TMEM116: variants seen among roughly 807,000 people sequenced by gnomAD.
The protein encoded by TMEM116 is transmembrane protein 116.
In TMEM116, 38 loss-of-function variants were observed where a neutral mutation model predicts 44.3. The ratio of observed to expected loss-of-function variants is 0.86; its 90% confidence interval spans 0.66 to 1.12. The LOEUF is 1.12. TMEM116 is among the 50% of genes most tolerant of loss of function. The pLI, the probability that TMEM116 is intolerant of heterozygous loss-of-function variation, is 0.00. For missense variants in TMEM116, 354 were observed against 401.7 expected (o/e 0.88, Z 1.01); for synonymous variants, 132 against 144.8 (o/e 0.91, Z 0.64).
chr12:111,993,386 G>A (rs1475811926), intron 3 of TMEM116: 1 of 544,362 alleles, frequency 1.8e-6, no homozygotes, highest in African/African-American at 1.9e-5. Context: ...ACTCCATGCA[G>A]GTGTTCTGCA....
At chr12:111,977,876 G>A (rs1434420684) in intron 4 of TMEM116, among the ~76,000 whole-genome samples, 2 of 151,758 alleles carry the variant, frequency 1.3e-5, no homozygotes, top group Admixed American at 1.3e-4. Context: ...AAACTCTTGG[G>A]GAGTAACTAA....
At chr12:112,003,969 A>G in intron 2 of TMEM116, 106 bp from the exon 3 acceptor site, 1 of 1,377,030 alleles carries the variant, frequency 7.3e-7, no homozygotes, top group Non-Finnish European at 9.3e-7. Context: ...CATAATTGAT[A>G]TAAAATAAAC....
At chr12:111,977,926 A>G (rs1031989585) in intron 4 of TMEM116, among the ~76,000 whole-genome samples, 13 of 152,040 alleles carry the variant, frequency 8.6e-5, no homozygotes, top group African/African-American at 3.1e-4. Context: ...ATATGCTAAG[A>G]AAAGAGAGAA....
At chr12:111,985,064 A>G (rs1156845666) in intron 4 of TMEM116, among the ~76,000 whole-genome samples, 1 of 152,204 alleles carries the variant, frequency 6.6e-6, no homozygotes, top group East Asian at 1.9e-4. Flanking sequence ...AGACAAAGTC[A>G]TCATACTCAA....
intron 4 of TMEM116, among the ~76,000 whole-genome samples, chr12:111,957,086 C>T (rs1261416083): frequency 6.6e-6 from 1 of 151,658 alleles, no homozygotes; most frequent in African/African-American, 2.4e-5. Context: ...TGCCTGGCCA[C>T]CCATCGTCTG....
intron 1 of TMEM116, among the ~76,000 whole-genome samples, chr12:112,008,399 G>A (rs985066469): frequency 1.3e-5 from 2 of 151,556 alleles, no homozygotes; most frequent in African/African-American, 4.9e-5. Flanking sequence ...AGAATTGCTT[G>A]AACCCGGGAG....
At chr12:111,968,034 A>C (rs564569889) in intron 4 of TMEM116, among the ~76,000 whole-genome samples, 1 of 152,160 alleles carries the variant, frequency 6.6e-6, no homozygotes, top group South Asian at 2.1e-4. Flanking sequence ...AGACCAAGGT[A>C]GCTAGAATTC....
At chr12:111,976,749 T>C (rs1358146111) in intron 4 of TMEM116, among the ~76,000 whole-genome samples, 1 of 152,086 alleles carries the variant, frequency 6.6e-6, no homozygotes, top group East Asian at 1.9e-4. Flanking sequence ...TAAGAACAGA[T>C]AGTTAATGTA....
intron 4 of TMEM116, among the ~76,000 whole-genome samples, chr12:111,961,772 C>T (rs2074606743): frequency 6.6e-6 from 1 of 152,182 alleles, no homozygotes; most frequent in South Asian, 2.1e-4. Context: ...GACAAGGATG[C>T]CCTCTCTCAC....
chr12:111,986,790 C>G (rs1004035672), intron 4 of TMEM116, among the ~76,000 whole-genome samples: 3 of 151,948 alleles, frequency 2.0e-5, no homozygotes, highest in African/African-American at 7.3e-5. Flanking sequence ...GCCTGGGTAA[C>G]AGAGCAAGAC....
chr12:111,985,277 TACACACACAC>T (rs34447209), intron 4 of TMEM116, among the ~76,000 whole-genome samples: 1 of 148,968 alleles, frequency 6.7e-6, no homozygotes. Flanking sequence ...CTCTAAAGAT[TACACACACAC>T]ACACACACAC....
chr12:111,951,851 C>T (rs1010562643), intron 4 of TMEM116, among the ~76,000 whole-genome samples: 1 of 152,084 alleles, frequency 6.6e-6, no homozygotes, highest in Non-Finnish European at 1.5e-5. Flanking sequence ...AATCATTTAG[C>T]CTACCTAGTA....
At chr12:111,939,878 C>T (rs1445762947) in intron 5 of TMEM116, among the ~76,000 whole-genome samples, 1 of 110,724 alleles carries the variant, frequency 9.0e-6, no homozygotes, top group Admixed American at 1.1e-4. Context: ...ATCTTCAAAG[C>T]TCTGTGTGTG....
intron 3 of TMEM116, among the ~76,000 whole-genome samples, chr12:112,001,838 T>C (rs1160430477): frequency 6.6e-6 from 1 of 152,240 alleles, no homozygotes; most frequent in Non-Finnish European, 1.5e-5. Flanking sequence ...ACAGTCACAA[T>C]CTACCACTGA....
intron 4 of TMEM116, among the ~76,000 whole-genome samples, chr12:111,950,339 CCAT>C (rs1210263396): frequency 6.6e-6 from 1 of 151,970 alleles, no homozygotes; most frequent in Non-Finnish European, 1.5e-5. Flanking sequence ...ATAAGACTCC[CCAT>C]CATAATGAGA....
rs1308723788 is a variant in TMEM116 at position 111,931,597 on chromosome 12, C to T, written c.*24G>A. Reference sequence around the variant, plus strand: ...CCATTAGCGTAGAATAACTCCAGTTCCTGGATGTTCCAGTATTGTAGTTTC... The same window carrying T: ...CCATTAGCGTAGAATAACTCCAGTTTCTGGATGTTCCAGTATTGTAGTTTC... On this transcript the variant is annotated 3_prime_UTR_variant, in exon 11 of 11. Coordinates refer to ENST00000552374, the MANE Select transcript of TMEM116 (RefSeq NM_001193531.2). The T allele has an allele frequency of 6.2e-7, 1 of 1,600,978 alleles. No homozygotes were observed. The highest frequency in any genetic ancestry group is 1.3e-5 in the African/African-American group (1 of 74,614).
intron 4 of TMEM116, among the ~76,000 whole-genome samples, chr12:111,987,153 G>A (rs1565943069): frequency 6.6e-6 from 1 of 152,030 alleles, no homozygotes; most frequent in Admixed American, 6.6e-5. Context: ...TCTGACAGGC[G>A]GTTAAATATA....
intron 4 of TMEM116, chr12:111,978,777 A>G (rs2075795236): frequency 2.3e-6 from 1 of 443,752 alleles, no homozygotes; most frequent in Non-Finnish European, 4.5e-6. Context: ...TGGACCTTCC[A>G]GCCTCCAGAA....
chr12:111,978,183 C>T (rs1316164505), intron 4 of TMEM116, among the ~76,000 whole-genome samples: 2 of 151,158 alleles, frequency 1.3e-5, no homozygotes, highest in African/African-American at 4.9e-5. Context: ...GGGCAGATCA[C>T]GAGGTCAGGA....
Sources: allele counts gnomAD v4.1 joint callset (sites outside exome capture counted in the v4.1 genomes callset), GRCh38; gene constraint gnomAD v4.1.1; transcripts MANE v1.5; gene names NCBI Gene and HGNC (gene_info 2026-07-23, HGNC 2026-07-21).